The following SMC5 variants were observed in gnomAD, a reference collection of about 807,000 sequenced individuals.
SMC5 encodes the protein structural maintenance of chromosomes 5.
In SMC5, 88 loss-of-function variants were observed where a neutral mutation model predicts 148.3. The observed-to-expected ratio is 0.59, with a 90% CI of 0.50 to 0.71. SMC5 has a LOEUF of 0.71. Ranked by LOEUF, SMC5 falls within the 30% of genes least tolerant of loss-of-function variation. SMC5 has a pLI of 0.00. For synonymous variants in SMC5, 421 were observed against 432.8 expected, an observed-to-expected ratio of 0.97 and a Z score of 0.34; for missense variants, 1,142 against 1,298.9, an observed-to-expected ratio of 0.88 and a Z score of 1.86.
Position 70,282,491 on chromosome 9 carries a change from A to C in SMC5, c.889A>C (p.Arg297=), listed in dbSNP as rs757912229. Residue 297 remains arginine, a synonymous_variant, in exon 7 of 25, where the codon AGA becomes CGA. Transcript: ENST00000361138. The part of the protein sequence containing the change: ...LVRDRVKEEV[R]KLKEGQIPVT... Reference sequence around the variant, plus strand: ...TCGTGACCGAGTGAAGGAAGAGGTCAGAAAACTTAAAGAAGGGCAGATTCC... The same window carrying C: ...TCGTGACCGAGTGAAGGAAGAGGTCCGAAAACTTAAAGAAGGGCAGATTCC... 4 of 1,608,968 alleles carry C rather than the reference A, an allele frequency of 2.5e-6. No homozygotes were observed. Among genetic ancestry groups the C allele is most frequent in the Non-Finnish European group, 3.4e-6 (4 of 1,178,382 alleles).
intron 17 of SMC5, among the ~76,000 whole-genome samples, chr9:70,325,407 G>T (rs1375486834): frequency 6.6e-6 from 1 of 152,186 alleles, no homozygotes; most frequent in African/African-American, 2.4e-5. Context: ...AGGGCTCAGA[G>T]AATCCAGATA....
chr9:70,302,033 G>C (rs2035372017), intron 10 of SMC5, among the ~76,000 whole-genome samples: 1 of 152,150 alleles, frequency 6.6e-6, no homozygotes, highest in South Asian at 2.1e-4. Context: ...CAAACAGAGG[G>C]AACATCCCAA....
chr9:70,350,028 A>G, intron 22 of SMC5, 86 bp from the exon 23 acceptor site: 2 of 907,422 alleles, frequency 2.2e-6, no homozygotes, highest in Non-Finnish European at 3.2e-6. Flanking sequence ...CTTTACTCTT[A>G]CTCAGTTAAT....
chr9:70,295,516 C>T (rs1480552655), intron 8 of SMC5, among the ~76,000 whole-genome samples: 1 of 149,840 alleles, frequency 6.7e-6, no homozygotes, highest in Non-Finnish European at 1.5e-5. Context: ...AGAGAAATTA[C>T]AGATATAGAG....
At chr9:70,334,252 G>T (rs143934195) in intron 17 of SMC5, among the ~76,000 whole-genome samples, 1 of 151,104 alleles carries the variant, frequency 6.6e-6, no homozygotes, top group Non-Finnish European at 1.5e-5. Context: ...CCCTTACCTC[G>T]TATCATATAC....
intron 15 of SMC5, among the ~76,000 whole-genome samples, chr9:70,321,129 C>T (rs1032629175): frequency 2.0e-5 from 3 of 152,028 alleles, no homozygotes; most frequent in African/African-American, 4.8e-5. Context: ...ACAATATGTC[C>T]CTTGAGTTCT....
chr9:70,267,830 T>C (rs923943644), intron 2 of SMC5, 93 bp from the exon 3 acceptor site: 2 of 1,178,438 alleles, frequency 1.7e-6, no homozygotes, highest in East Asian at 2.4e-5. Flanking sequence ...CTGAAAAAAA[T>C]CTTGATTTGA....
intron 20 of SMC5, 60 bp from the exon 21 acceptor site, chr9:70,347,553 T>G (rs2036695519): frequency 2.2e-6 from 2 of 888,954 alleles, no homozygotes; most frequent in Non-Finnish European, 1.7e-6. Context: ...AATGCAAAAT[T>G]GTATATAGTT....
At chr9:70,317,365 T>C (rs1236714711) in intron 13 of SMC5, among the ~76,000 whole-genome samples, 2 of 152,234 alleles carry the variant, frequency 1.3e-5, no homozygotes, top group African/African-American at 2.4e-5. Flanking sequence ...AATTGTCTGC[T>C]GACTTCTTTA....
intron 17 of SMC5, among the ~76,000 whole-genome samples, chr9:70,334,119 AGTTGTT>A: frequency 6.7e-6 from 1 of 149,848 alleles, no homozygotes; most frequent in South Asian, 2.1e-4. Flanking sequence ...ATTTATGGTC[AGTTGTT>A]GTTGTTTTTT....
In SMC5 at chr9:70,295,097, A is replaced by G. The variant is rs184134267; in HGVS notation, c.1054-2869A>G. Among the ~76,000 whole-genome samples, 337 of 152,226 alleles carry G rather than the reference A, an allele frequency of 2.2e-3. 1 individual carries two copies. Among genetic ancestry groups the G allele is most frequent in the African/African-American group, 7.9e-3 (327 of 41,542 alleles). On this transcript the variant is annotated intron_variant, in intron 8 of 24. Coordinates refer to ENST00000361138, the MANE Select transcript of SMC5 (RefSeq NM_015110.4). ...CATGTCCTGAAATAATGGCAGGAAA[A>G]GGTCACCACTTGAGAGGGCTCTGGG...
At chr9:70,308,317 A>G (rs2035560100) in intron 11 of SMC5, among the ~76,000 whole-genome samples, 1 of 152,138 alleles carries the variant, frequency 6.6e-6, no homozygotes, top group African/African-American at 2.4e-5. Context: ...AAGAATTACT[A>G]ATCTGTGGCC....
chr9:70,336,944 G>A lies in SMC5; in HGVS notation c.2398-7200G>A, dbSNP rs558420313. Among the ~76,000 whole-genome samples, 12 of 152,224 alleles carry A rather than the reference G, an allele frequency of 7.9e-5. No homozygotes were observed. The South Asian group carries it at 1.0e-3, about 13-fold the overall frequency. ...GCTGGGGAGGCCTCACAATCATGGC[G>A]GAAGACAAGGAGGAGCAAGTCACAT... On this transcript the variant is annotated intron_variant, in intron 17 of 24. Coordinates refer to ENST00000361138, the MANE Select transcript of SMC5 (RefSeq NM_015110.4).
chr9:70,346,451 T>C, intron 18 of SMC5, 154 bp from the exon 19 acceptor site: 1 of 757,476 alleles, frequency 1.3e-6, no homozygotes. Context: ...CCCCATGGCA[T>C]GGACTCAGAA....
At chr9:70,351,723 T>C (rs1371669219) in intron 24 of SMC5, among the ~76,000 whole-genome samples, 1 of 152,148 alleles carries the variant, frequency 6.6e-6, no homozygotes, top group Non-Finnish European at 1.5e-5. Flanking sequence ...ACAGGTATGC[T>C]AATTTAGGTA....
intron 11 of SMC5, among the ~76,000 whole-genome samples, chr9:70,305,973 A>T (rs1427937801): frequency 1.3e-5 from 2 of 152,220 alleles, no homozygotes; most frequent in Admixed American, 1.3e-4. Context: ...GAAGGGTAAC[A>T]TTATCTACTT....
At chr9:70,315,840 G>T (rs979476320) in intron 13 of SMC5, among the ~76,000 whole-genome samples, 1 of 152,044 alleles carries the variant, frequency 6.6e-6, no homozygotes, top group East Asian at 1.9e-4. Flanking sequence ...GTTAAAACCT[G>T]AAAAGAGATA....
chr9:70,328,692 G>A (rs1354044302), intron 17 of SMC5, among the ~76,000 whole-genome samples: 1 of 152,190 alleles, frequency 6.6e-6, no homozygotes, highest in Non-Finnish European at 1.5e-5. Flanking sequence ...GGGGTCTGGA[G>A]GACGGTGGCC....
At chr9:70,327,677 G>A (rs1587698241) in intron 17 of SMC5, among the ~76,000 whole-genome samples, 1 of 152,088 alleles carries the variant, frequency 6.6e-6, no homozygotes, top group Admixed American at 6.5e-5. Context: ...AACAATAAAG[G>A]AATTAGGCTG....
Sources: gnomAD v4.1 joint callset for allele counts (sites outside exome capture counted in the v4.1 genomes callset) on GRCh38, gnomAD v4.1.1 for gene constraint, MANE v1.5 for transcripts, NCBI Gene and HGNC (gene_info 2026-07-23, HGNC 2026-07-21) for gene names.